Variants in LIPM observed in about 807,000 individuals in gnomAD.
LIPM encodes lipase family member M.
In LIPM, 42 loss-of-function variants were observed where a neutral mutation model predicts 42.4. That is an observed-to-expected ratio of 0.99 (90% CI 0.77 to 1.28). The LOEUF (loss-of-function observed/expected upper bound fraction) is 1.28, where lower values mean the gene tolerates loss of function less well. LIPM is among the 50% of genes most tolerant of loss of function. The pLI is 0.00. For synonymous variants in LIPM, 177 were observed against 173.3 expected, an observed-to-expected ratio of 1.02 and a Z score of -0.17; for missense variants, 524 against 520.1, an observed-to-expected ratio of 1.01 and a Z score of -0.07.
At chr10:88,811,620 T>C (rs1056329181) in intron 2 of LIPM, among the ~76,000 whole-genome samples, 8 of 152,216 alleles carry the variant, frequency 5.3e-5, no homozygotes, top group Non-Finnish European at 1.0e-4. Context: ...TATAATTCTT[T>C]ATTTTGATAT....
intron 7 of LIPM, among the ~76,000 whole-genome samples, chr10:88,817,437 C>A (rs1212844990): frequency 6.6e-6 from 1 of 152,180 alleles, no homozygotes; most frequent in East Asian, 1.9e-4. Flanking sequence ...ATTGTACCAT[C>A]AAAACCAGAG....
At position 88,815,314 on chromosome 10, in the gene LIPM, T is replaced by A. The variant is rs1843705583; in HGVS notation, c.712-43T>A. 1.9e-6 allele frequency: 3 copies of A among 1,549,020 alleles called. No homozygotes were observed. The East Asian group carries it at 7.3e-5, about 38-fold the overall frequency. ...CATAAACTTTTAAATTACAGTCACATCTTTTCTGTCTGTCATGTCTATGTC... is the reference window on the plus strand; with the variant it reads ...CATAAACTTTTAAATTACAGTCACAACTTTTCTGTCTGTCATGTCTATGTC... On this transcript the variant is annotated intron_variant, in intron 5 of 8. Coordinates refer to ENST00000404743, the MANE Select transcript of LIPM (RefSeq NM_001128215.1).
chr10:88,818,640 A>G lies in LIPM; in HGVS notation c.1002+744A>G, dbSNP rs111811291. On this transcript the variant is annotated intron_variant, in intron 8 of 8. Transcript: ENST00000404743. ...GAATGTAAATAAATATTTACCATAG[A>G]AACAATACTGGAAGGGGCAGATTAG... Among the ~76,000 whole-genome samples, 59 of 152,286 alleles carry G rather than the reference A, an allele frequency of 3.9e-4. 1 individual carries two copies. The highest frequency in any genetic ancestry group is 1.4e-3 in the African/African-American group (59 of 41,558).
intron 8 of LIPM, 92 bp downstream of exon 8, chr10:88,817,988 T>C: frequency 9.9e-7 from 1 of 1,011,480 alleles, no homozygotes; most frequent in Middle Eastern, 2.3e-4. Flanking sequence ...GATATGGGAA[T>C]AAAATATGAA....
At chr10:88,803,176 T>C (rs2133048330) in intron 1 of LIPM, 133 bp downstream of exon 1, 1 of 1,010,640 alleles carries the variant, frequency 9.9e-7, no homozygotes. Flanking sequence ...AGTAGCAAAT[T>C]GTACTGGAAA....
rs942206775 is a variant in LIPM, at chr10:88,813,169, A to G, written c.338A>G (p.Asn113Ser). 1.2e-6 allele frequency: 2 copies of G among 1,613,394 alleles called. No homozygotes were observed. The highest frequency in any genetic ancestry group is 1.7e-6 in the Non-Finnish European group (2 of 1,179,650). The change falls in exon 3 of 9, where the codon AAC becomes AGC. Residue 113 changes from asparagine to serine, a missense_variant. By Grantham distance (46) the Asn-to-Ser change is conservative. Transcript: ENST00000404743. Reference protein sequence around the residue: ...GASNWISNLPNNSLGFILADA... With the variant: ...GASNWISNLPSNSLGFILADA... ...AGCAACTGGATTTCCAACCTGCCCA[A>G]CAATAGCCTGGGCTTCATTCTGGCA...
chr10:88,808,419 T>A lies in LIPM; in HGVS notation c.265+4T>A. On this transcript the variant is annotated splice_donor_region_variant and intron_variant, in intron 2 of 8. Coordinates refer to ENST00000404743, the MANE Select transcript of LIPM (RefSeq NM_001128215.1). Reference sequence around the variant, plus strand: ...CTAGTGCAACCTAAGAAGACAGGTGTGGGTCACCCCATGTCACCGCAACAC... The same window carrying A: ...CTAGTGCAACCTAAGAAGACAGGTGAGGGTCACCCCATGTCACCGCAACAC... 6.6e-7 allele frequency: 1 copy of A among 1,507,144 alleles called. No individual in the cohort carries two copies. The highest frequency in any genetic ancestry group is 1.2e-5 in the South Asian group (1 of 83,188). The allele number at this position is 1,507,144 out of a possible 1,614,324, so 93.4% of individuals were successfully genotyped here. A position where few individuals can be genotyped will look rare whatever the true frequency, so the allele number is the denominator to read the frequency against.
chr10:88,806,973 G>A (rs1288679422), intron 1 of LIPM, among the ~76,000 whole-genome samples: 1 of 151,992 alleles, frequency 6.6e-6, no homozygotes, highest in Non-Finnish European at 1.5e-5. Context: ...ACAGGTGTGA[G>A]CCACTGTGCC....
rs1198412332 is a variant in LIPM, at chr10:88,815,503, G to A, written c.858G>A (p.Met286Ile). ...LGGFNTNNMN[M>I]SRASVYAAHT... ...GATTCAACACCAACAATATGAACAT[G>A]GTAAGTGGGAGCCTAGTAAATTCCC... is the stretch of plus-strand genomic sequence containing the variant. The change falls in exon 6 of 9, where the codon ATG (methionine) becomes ATA (isoleucine). Residue 286 changes from methionine (M) to isoleucine (I), a missense_variant and splice_region_variant. Transcript: ENST00000404743. The A allele has an allele frequency of 8.4e-6, 13 of 1,550,560 alleles. No homozygotes were observed. Among genetic ancestry groups the A allele is most frequent in the Non-Finnish European group, 1.0e-5 (12 of 1,146,426 alleles).
rs75522701 is a variant in LIPM, at chr10:88,811,060, C to T, written c.266-2037C>T. Among the ~76,000 whole-genome samples the T allele has an allele frequency of 0.013, 2,004 of 152,276 alleles. 108 individuals carry two copies. The East Asian group carries it at 0.17, about 13-fold the overall frequency. On this transcript the variant is annotated intron_variant, in intron 2 of 8. Transcript: ENST00000404743. Reference sequence around the variant, plus strand: ...CCCACACGTTCTCTCCCTTGAGAGACAAAATGAGGCAGATGGAATTCATGA... The same window carrying T: ...CCCACACGTTCTCTCCCTTGAGAGATAAAATGAGGCAGATGGAATTCATGA...
Position 88,802,867 on chromosome 10 carries a change from G to C in LIPM, c.-30G>C. The C allele has an allele frequency of 9.9e-6, 15 of 1,516,474 alleles. No homozygotes were observed. Among genetic ancestry groups the C allele is most frequent in the Non-Finnish European group, 1.3e-5 (15 of 1,132,728 alleles). The allele number at this position is 1,516,474 out of a possible 1,614,324, so 93.9% of individuals were successfully genotyped here. A position where few individuals can be genotyped will look rare whatever the true frequency, so the allele number is the denominator to read the frequency against. ...TACTTTAGAATTAGTTGTTACATTGGCAGGAAAAAATAAATGCAGATGTTG... is the reference window on the plus strand; with the variant it reads ...TACTTTAGAATTAGTTGTTACATTGCCAGGAAAAAATAAATGCAGATGTTG... On this transcript the variant is annotated 5_prime_UTR_variant, in exon 1 of 9. Coordinates refer to ENST00000404743, the MANE Select transcript of LIPM (RefSeq NM_001128215.1).
intron 3 of LIPM, 67 bp downstream of exon 3, chr10:88,813,362 C>T (rs553767494): frequency 1.1e-4 from 144 of 1,280,178 alleles, no homozygotes; most frequent in African/African-American, 2.1e-4. Flanking sequence ...TAAAAAATTA[C>T]GGCTTCTAGT....
At chr10:88,818,329 T>C (rs1843742810) in intron 8 of LIPM, among the ~76,000 whole-genome samples, 1 of 152,214 alleles carries the variant, frequency 6.6e-6, no homozygotes, top group Non-Finnish European at 1.5e-5. Flanking sequence ...ACTATAAACT[T>C]CTGTAATAGG....
In LIPM at chr10:88,815,137, G is replaced by C. The variant is rs1004256695; in HGVS notation, c.624G>C (p.Met208Ile). ...TMPELAQKIK[M>I]YFALAPIATV... ...CAGAGCTGGCTCAGAAAATCAAAATGTATTTTGCTTTAGCACCCATAGCCA... is the reference window on the plus strand; with the variant it reads ...CAGAGCTGGCTCAGAAAATCAAAATCTATTTTGCTTTAGCACCCATAGCCA... The change falls in exon 5 of 9, where the codon ATG (methionine) becomes ATC (isoleucine). Residue 208 changes from methionine to isoleucine, a missense_variant. Met to Ile is a conservative substitution (Grantham distance 10, BLOSUM62 1). Transcript: ENST00000404743. The C allele has an allele frequency of 6.4e-7, 1 of 1,551,050 alleles. No homozygotes were observed. Among genetic ancestry groups the C allele is most frequent in the South Asian group, 1.2e-5 (1 of 83,784 alleles).
chr10:88,816,720 C>T, intron 6 of LIPM, 96 bp from the exon 7 acceptor site: 33 of 728,956 alleles, frequency 4.5e-5, no homozygotes, highest in South Asian at 1.2e-4. Flanking sequence ...ATAATGTTAC[C>T]ATTTCTTAGT....
At position 88,815,480 on chromosome 10, in the gene LIPM, T is replaced by C; in HGVS notation, c.835T>C (p.Phe279Leu). The change falls in exon 6 of 9, where the codon TTC becomes CTC. Residue 279 changes from phenylalanine to leucine, a missense_variant. By Grantham distance (22) the Phe-to-Leu change is conservative. Transcript: ENST00000404743. ...CSNIMLLLGGFNTNNMNMSRA... is the reference protein window; with the variant it reads ...CSNIMLLLGGLNTNNMNMSRA... Reference sequence around the variant, plus strand: ...TAATATCATGTTACTTCTGGGTGGATTCAACACCAACAATATGAACATGGT... The same window carrying C: ...TAATATCATGTTACTTCTGGGTGGACTCAACACCAACAATATGAACATGGT... The C allele has an allele frequency of 1.3e-6, 2 of 1,551,524 alleles. No homozygotes were observed. Among genetic ancestry groups the C allele is most frequent in the Non-Finnish European group, 1.7e-6 (2 of 1,146,902 alleles).
chr10:88,815,124 A>C lies in LIPM; in HGVS notation c.611A>C (p.Gln204Pro), dbSNP rs530194112. 1 of 1,550,918 alleles carries C rather than the reference A, an allele frequency of 6.4e-7. No homozygotes were observed. Among genetic ancestry groups the C allele is most frequent in the African/African-American group, 1.4e-5 (1 of 73,148 alleles). ...TTTTCCACCATGCCAGAGCTGGCTC[A>C]GAAAATCAAAATGTATTTTGCTTTA... ...IAFSTMPELA[Q>P]KIKMYFALAP... The change falls in exon 5 of 9, where the codon CAG becomes CCG. Residue 204 changes from glutamine to proline, a missense_variant. By Grantham distance (76) the Gln-to-Pro change is moderately conservative. Coordinates refer to ENST00000404743, the MANE Select transcript of LIPM (RefSeq NM_001128215.1).
rs1843545730 is a variant in LIPM at position 88,802,980 on chromosome 10, G to A, written c.84G>A (p.Gln28=). 3 of 1,551,376 alleles carry A rather than the reference G, an allele frequency of 1.9e-6. No homozygotes were observed. The African/African-American group carries it at 4.1e-5, about 21-fold the overall frequency. The change falls in exon 1 of 9, where the codon CAG becomes CAA. Residue 28 remains glutamine, a synonymous_variant. Coordinates refer to ENST00000404743, the MANE Select transcript of LIPM (RefSeq NM_001128215.1). ...TGATTCTGGTGGCGTATATGTTCCA[G>A]AGAAATGTGAATTCAGTACATATGC... The part of the protein sequence containing the change: ...WLLILVAYMF[Q]RNVNSVHMPT...
chr10:88,808,909 ACATTTTATTT>A (rs1157410116), intron 2 of LIPM, among the ~76,000 whole-genome samples: 10 of 136,642 alleles, frequency 7.3e-5, no homozygotes, highest in African/African-American at 3.0e-4. Context: ...TTCTATACAT[ACATTTTATTT>A]TATTTTATTT....
Sources: gnomAD v4.1 joint callset for allele counts (sites outside exome capture counted in the v4.1 genomes callset) on GRCh38, gnomAD v4.1.1 for gene constraint, MANE v1.5 for transcripts, NCBI Gene and HGNC (gene_info 2026-07-23, HGNC 2026-07-21) for gene names.